DNMT3A: variants seen among roughly 807,000 people sequenced by gnomAD.
DNMT3A encodes DNA (cytosine-5)-methyltransferase 3A.
A neutral mutation model predicts 117.6 loss-of-function variants in DNMT3A; 267 were observed. That is an observed-to-expected ratio of 2.27 (90% CI 2.05 to 2.51). DNMT3A has a LOEUF of 2.51. Ranked by LOEUF, DNMT3A falls within the 30% of genes most tolerant of loss-of-function variation. The pLI is 0.00. For missense variants in DNMT3A, 1,029 were observed against 1,260.2 expected (o/e 0.82, Z 2.78); for synonymous variants, 432 against 474.8 (o/e 0.91, Z 1.17).
rs1199896448 is a variant in DNMT3A at position 25,230,004 on chromosome 2, G to A, written c.*4275C>T. 1 of 152,244 alleles carries A rather than the reference G, an allele frequency of 6.6e-6. No individual in the cohort carries two copies. Among genetic ancestry groups the A allele is most frequent in the Non-Finnish European group, 1.5e-5 (1 of 68,088 alleles). The allele number at this position is 152,244 out of a possible 1,614,324, so 9.4% of individuals were successfully genotyped here. A position where few individuals can be genotyped will look rare whatever the true frequency, so the allele number is the denominator to read the frequency against. ...TTGGTGTCAGCCTTCCTTCCTGCTG[G>A]GGTGCCTGTCCCAATCCACACTCCT... On this transcript the variant is annotated 3_prime_UTR_variant, in exon 23 of 23. Coordinates refer to ENST00000321117, the MANE Select transcript of DNMT3A (RefSeq NM_022552.5).
In DNMT3A at chr2:25,247,994, C is replaced by A. The variant is rs752145448; in HGVS notation, c.855+43G>T. The A allele has an allele frequency of 1.2e-6, 2 of 1,610,002 alleles. 1 individual carries two copies. The highest frequency in any genetic ancestry group is 2.2e-5 in the South Asian group (2 of 90,866). ...GACGGGAGGAGCTGGCAGTGGAAGG[C>A]CCCCGGAAAGAGCTGGCCACGGCTG... On this transcript the variant is annotated intron_variant, in intron 7 of 22. Coordinates refer to ENST00000321117, the MANE Select transcript of DNMT3A (RefSeq NM_022552.5). This position sits in a 1 kb window ranked among gnomAD's most constrained non-coding sequence, Gnocchi z 5.6.
rs779175988 is a variant in DNMT3A at position 25,236,906 on chromosome 2, C to G, written c.2478+30G>C. ...TCCTGCCCTTCCTTCTCCCTGCCCC[C>G]CAGCAGAGGTTCTAGACGCTGGAGC... is the stretch of plus-strand genomic sequence containing the variant. On this transcript the variant is annotated intron_variant, in intron 21 of 22. Coordinates refer to ENST00000321117, the MANE Select transcript of DNMT3A (RefSeq NM_022552.5). This position sits in a 1 kb window ranked among gnomAD's most constrained non-coding sequence, Gnocchi z 4.5. 1.2e-6 allele frequency: 2 copies of G among 1,603,662 alleles called. No individual in the cohort carries two copies. The highest frequency in any genetic ancestry group is 1.1e-5 in the South Asian group (1 of 88,826).
At chr2:25,251,876 G>T in intron 6 of DNMT3A, 1 of 427,516 alleles carries the variant, frequency 2.3e-6, no homozygotes, top group Non-Finnish European at 4.2e-6. Context: ...CCCAACTCCT[G>T]GGCCACCAGC....
chr2:25,240,560 C>G, intron 18 of DNMT3A, 80 bp downstream of exon 18: 1 of 1,598,952 alleles, frequency 6.3e-7, no homozygotes, highest in Non-Finnish European at 8.5e-7. Flanking sequence ...AATAGCTGTC[C>G]CAGGGCAGAA....
rs1433068232 is a variant in DNMT3A at position 25,306,910 on chromosome 2, G to A, written c.73-6667C>T. On this transcript the variant is annotated intron_variant, in intron 2 of 22. Transcript: ENST00000321117. This position sits in a 1 kb window ranked among gnomAD's most constrained non-coding sequence, Gnocchi z 4.1. ...CTGCTCTGCCTGTGGCCACTTCCAT[G>A]GCACCAAGCCCACACATGTCTGCTC... Among the ~76,000 whole-genome samples the A allele has an allele frequency of 6.6e-6, 1 of 152,208 alleles. No homozygotes were observed. The highest frequency in any genetic ancestry group is 2.4e-5 in the African/African-American group (1 of 41,454).
intron 3 of DNMT3A, among the ~76,000 whole-genome samples, chr2:25,283,383 G>T (rs943957172): frequency 8.3e-6 from 1 of 120,022 alleles, no homozygotes; most frequent in African/African-American, 3.2e-5. Flanking sequence ...AAAAAAAAAA[G>T]CTCCTTGTGC....
In DNMT3A at chr2:25,241,938, C is replaced by A. The variant is rs1674120110; in HGVS notation, c.1937-231G>T. ...TGGCCTATCTGGAAGGCAGTCAAAG[C>A]TGCAGAAAACTGACCGGAGAGTACA... On this transcript the variant is annotated intron_variant, in intron 16 of 22. Transcript: ENST00000321117. 12 of 546,866 alleles carry A rather than the reference C, an allele frequency of 2.2e-5. No homozygotes were observed. The South Asian group carries it at 3.1e-4, about 14-fold the overall frequency. The allele number at this position is 546,866 out of a possible 1,614,324, so 33.9% of individuals were successfully genotyped here.
At position 25,296,535 on chromosome 2, in the gene DNMT3A, C is replaced by T. The variant is rs1398446850; in HGVS notation, c.177+3604G>A. On this transcript the variant is annotated intron_variant, in intron 3 of 22. Transcript: ENST00000321117. This position sits in a 1 kb window ranked among gnomAD's most constrained non-coding sequence, Gnocchi z 4.2. The stretch of plus-strand genomic sequence containing the variant: ...CCTGAAGAAGGACGTGCCGGTGCTA[C>T]ATTTACTGTGATTATGTGTGGCCTC... Among the ~76,000 whole-genome samples the T allele has an allele frequency of 1.3e-5, 2 of 152,194 alleles. No homozygotes were observed. The highest frequency in any genetic ancestry group is 2.9e-5 in the Non-Finnish European group (2 of 68,040).
chr2:25,240,834 G>GA (rs1673943609), intron 17 of DNMT3A, 104 bp from the exon 18 acceptor site: 2 of 1,145,774 alleles, frequency 1.7e-6, no homozygotes, highest in South Asian at 2.8e-5. Flanking sequence ...CCTTTGACAC[G>GA]AAAGAGAGGA....
intron 6 of DNMT3A, among the ~76,000 whole-genome samples, chr2:25,250,423 AAATGAGCTCATGGATGGCGG>A (rs1218243879): frequency 6.6e-6 from 1 of 152,206 alleles, no homozygotes; most frequent in Admixed American, 6.5e-5. Flanking sequence ...ACAGCTGGGA[AAATGAGCTCATGGATGGCGG>A]AATGAGCTCA....
chr2:25,314,087 C>T lies in DNMT3A; in HGVS notation c.-103G>A. 2.8e-6 allele frequency: 4 copies of T among 1,440,488 alleles called. No individual in the cohort carries two copies. Among genetic ancestry groups the T allele is most frequent in the South Asian group, 1.5e-5 (1 of 68,940 alleles). The allele number at this position is 1,440,488 out of a possible 1,614,324, so 89.2% of individuals were successfully genotyped here. A position where few individuals can be genotyped will look rare whatever the true frequency, so the allele number is the denominator to read the frequency against. On this transcript the variant is annotated 5_prime_UTR_variant, in exon 2 of 23. An upstream start codon of the reference 5' UTR is lost. Coordinates refer to ENST00000321117, the MANE Select transcript of DNMT3A (RefSeq NM_022552.5). ...TTGGAGGCGAGAGTTAAAACTTAAA[C>T]ATAGATCCCGGTGTTGAGCCCTCTG...
chr2:25,314,805 C>A, intron 1 of DNMT3A: 1 of 709,292 alleles, frequency 1.4e-6, no homozygotes, highest in Non-Finnish European at 1.7e-6. Flanking sequence ...GCTCTCTCCC[C>A]CACCCCATGA....
At position 25,246,543 on chromosome 2, in the gene DNMT3A, T is replaced by A. The variant is rs1674795141; in HGVS notation, c.1279+77A>T. The A allele has an allele frequency of 1.9e-6, 3 of 1,545,946 alleles. No individual in the cohort carries two copies. In the Admixed American group the frequency reaches 5.9e-5, roughly 30 times the overall value. On this transcript the variant is annotated intron_variant, in intron 10 of 22. Transcript: ENST00000321117. Reference sequence around the variant, plus strand: ...CTGTGGAGGCCTTGGCAGCCCTCCCTAAGCATGGCTTTCCCAGCCCTGGTG... The same window carrying A: ...CTGTGGAGGCCTTGGCAGCCCTCCCAAAGCATGGCTTTCCCAGCCCTGGTG...
At chr2:25,313,680 TGGTGGTTAAAAGCCTG>T (rs2034244598) in intron 2 of DNMT3A, among the ~76,000 whole-genome samples, 1 of 152,174 alleles carries the variant, frequency 6.6e-6, no homozygotes, top group African/African-American at 2.4e-5. Flanking sequence ...GCGAATGCCA[TGGTGGTTAAAAGCCTG>T]GGTCCTGGAA....
At chr2:25,267,740 G>C (rs984621867) in intron 6 of DNMT3A, among the ~76,000 whole-genome samples, 1 of 152,236 alleles carries the variant, frequency 6.6e-6, no homozygotes, top group Non-Finnish European at 1.5e-5. Context: ...ACAACTCTGA[G>C]ATAAGAATTG....
At chr2:25,235,611 G>T in intron 22 of DNMT3A, 96 bp downstream of exon 22, 2 of 992,458 alleles carry the variant, frequency 2.0e-6, no homozygotes, top group Non-Finnish European at 3.1e-6. Context: ...GACGTTTGTG[G>T]AAAACAAGTC....
At chr2:25,287,383 G>A (rs951495051) in intron 3 of DNMT3A, among the ~76,000 whole-genome samples, 2 of 152,082 alleles carry the variant, frequency 1.3e-5, no homozygotes, top group African/African-American at 4.8e-5. Context: ...GTACAGCTTG[G>A]TCCTATCACC....
At chr2:25,265,895 C>T (rs1468574851) in intron 6 of DNMT3A, among the ~76,000 whole-genome samples, 1 of 152,082 alleles carries the variant, frequency 6.6e-6, no homozygotes, top group East Asian at 1.9e-4. Context: ...TGGCATAGTG[C>T]CTGATGTAAA....
At chr2:25,307,473 T>C (rs2149418121) in intron 2 of DNMT3A, among the ~76,000 whole-genome samples, 1 of 148,536 alleles carries the variant, frequency 6.7e-6, no homozygotes, top group African/African-American at 2.5e-5. Context: ...TTTTTTTTTT[T>C]TTTTTTTTTG....
Sources: gnomAD v4.1 joint callset for allele counts (sites outside exome capture counted in the v4.1 genomes callset) on GRCh38, gnomAD v4.1.1 for gene constraint, Gnocchi (gnomAD v3.1) non-coding constraint, MANE v1.5 for transcripts, NCBI Gene and HGNC (gene_info 2026-07-23, HGNC 2026-07-21) for gene names.